The following GRTP1 variants were observed in gnomAD, a reference collection of about 807,000 sequenced individuals.
GRTP1 encodes growth hormone regulated TBC protein 1.
In GRTP1, 56 loss-of-function variants were observed where a neutral mutation model predicts 38.1. That is an observed-to-expected ratio of 1.47 (90% CI 1.19 to 1.84). The LOEUF is 1.84. GRTP1 is among the 40% of genes most tolerant of loss of function. GRTP1 has a pLI of 0.00. For synonymous variants in GRTP1, 217 were observed against 189.5 expected, an observed-to-expected ratio of 1.14 and a Z score of -1.19; for missense variants, 506 against 453.9, an observed-to-expected ratio of 1.11 and a Z score of -1.04.
Position 113,363,896 on chromosome 13 carries a change from C to T in GRTP1, c.47G>A (p.Gly16Glu), listed in dbSNP as rs370454368. Residue 16 changes from glycine to glutamate, a missense_variant, in exon 2 of 8, where the codon GGA (glycine) becomes GAA (glutamate). Physicochemically the swap from Gly to Glu is moderately conservative, Grantham distance 98. Coordinates refer to ENST00000375431, the MANE Select transcript of GRTP1 (RefSeq NM_024719.4). ...RSRVPRIDPY[G>E]FERPEDFDDA... ...GTCGAAGTCCTCAGGCCGCTCGAAT[C>T]CGTACGGGTCGATCCTGCAAAACCG... 1 of 1,611,494 alleles carries T rather than the reference C, an allele frequency of 6.2e-7. No homozygotes were observed. The highest frequency in any genetic ancestry group is 8.5e-7 in the Non-Finnish European group (1 of 1,179,392).
In GRTP1 at chr13:113,345,709, C is replaced by T. The variant is rs185305267; in HGVS notation, c.466-750G>A. Among the ~76,000 whole-genome samples, 120 of 152,356 alleles carry T rather than the reference C, an allele frequency of 7.9e-4. 1 individual carries two copies. The highest frequency in any genetic ancestry group is 2.3e-3 in the African/African-American group (94 of 41,582). ...CTGCAGAGAGCGATGCTGGCAGCAG[C>T]GCGGCGGCTTCAGTCACACAGGGAT... On this transcript the variant is annotated intron_variant, in intron 4 of 7. Coordinates refer to ENST00000375431, the MANE Select transcript of GRTP1 (RefSeq NM_024719.4).
intron 3 of GRTP1, among the ~76,000 whole-genome samples, chr13:113,352,232 TTA>T (rs58692797): frequency 0.062 from 4,917 of 79,668 alleles, 149 homozygotes; most frequent in Non-Finnish European, 0.082. Context: ...TTTTCTATAT[TTA>T]TATATATATT....
intron 2 of GRTP1, among the ~76,000 whole-genome samples, chr13:113,359,412 T>C (rs919286108): frequency 6.6e-6 from 1 of 152,092 alleles, no homozygotes; most frequent in African/African-American, 2.4e-5. Flanking sequence ...GGAGACTCCA[T>C]CTCTACAAAA....
At chr13:113,352,263 TTTATATTTTTA>T (rs2043284616) in intron 3 of GRTP1, among the ~76,000 whole-genome samples, 2 of 112,978 alleles carry the variant, frequency 1.8e-5, no homozygotes, top group Admixed American at 1.2e-4. Context: ...TTTATATATT[TTTATATTTTTA>T]TATATATTTA....
chr13:113,328,154 G>A (rs1255459354), intron 5 of GRTP1, among the ~76,000 whole-genome samples: 4 of 152,122 alleles, frequency 2.6e-5, no homozygotes, highest in South Asian at 4.1e-4. Flanking sequence ...ATCTGGTCTC[G>A]CGCCGCTATC....
rs145076795 is a variant in GRTP1 at position 113,350,711 on chromosome 13, G to A, written c.465+138C>T. The A allele has an allele frequency of 1.7e-4, 140 of 804,262 alleles. 1 individual carries two copies. Among genetic ancestry groups the A allele is most frequent in the African/African-American group, 1.3e-3 (75 of 56,234 alleles). The allele number at this position is 804,262 out of a possible 1,614,324, so 49.8% of individuals were successfully genotyped here. Reference sequence around the variant, plus strand: ...TCCTCCCTGCTGGGAAATGGCGTCCGAGCCTCAATGGGGCATCAGGACGTG... The same window carrying A: ...TCCTCCCTGCTGGGAAATGGCGTCCAAGCCTCAATGGGGCATCAGGACGTG... On this transcript the variant is annotated intron_variant, in intron 4 of 7. Coordinates refer to ENST00000375431, the MANE Select transcript of GRTP1 (RefSeq NM_024719.4).
intron 4 of GRTP1, among the ~76,000 whole-genome samples, 180 bp downstream of exon 4, chr13:113,350,669 T>C (rs2043247641): frequency 6.6e-6 from 1 of 152,110 alleles, no homozygotes; most frequent in Non-Finnish European, 1.5e-5. Flanking sequence ...AATGAGGTCG[T>C]CGGCTGCTGC....
chr13:113,357,827 G>C (rs904836088), intron 2 of GRTP1, among the ~76,000 whole-genome samples: 1 of 152,144 alleles, frequency 6.6e-6, no homozygotes, highest in Non-Finnish European at 1.5e-5. Flanking sequence ...GAAAGGAGAG[G>C]CCATGCAAAA....
At position 113,347,578 on chromosome 13, in the gene GRTP1, ACC is replaced by A. The variant is rs1197095607; in HGVS notation, c.466-2621_466-2620del. 5.1e-5 allele frequency among the ~76,000 whole-genome samples: 4 copies of A among 77,974 alleles called. 1 individual carries two copies. The highest frequency in any genetic ancestry group is 8.7e-5 in the Non-Finnish European group (3 of 34,560). 51.2% of individuals were successfully genotyped at this position (77,974 alleles called of 152,430 possible). Reference sequence around the variant, plus strand: ...TGTGGCAGAGAGCAGACCCAGGAGGACCTCTGTGGCTGAGAACAGACCCGGGA... The same window carrying A: ...TGTGGCAGAGAGCAGACCCAGGAGGATCTGTGGCTGAGAACAGACCCGGGA... On this transcript the variant is annotated intron_variant, in intron 4 of 7. Coordinates refer to ENST00000375431, the MANE Select transcript of GRTP1 (RefSeq NM_024719.4).
intron 2 of GRTP1, among the ~76,000 whole-genome samples, chr13:113,359,053 C>T: frequency 6.6e-6 from 1 of 152,124 alleles, no homozygotes; most frequent in East Asian, 1.9e-4. Flanking sequence ...AATGAAGTAC[C>T]TCAGCAATAA....
chr13:113,325,917 A>C lies in GRTP1; in HGVS notation c.735+2T>G, dbSNP rs1595469598. 6.2e-7 allele frequency: 1 copy of C among 1,613,694 alleles called. No individual in the cohort carries two copies. The highest frequency in any genetic ancestry group is 1.1e-5 in the South Asian group (1 of 91,082). On this transcript the variant is annotated splice_donor_variant, in intron 6 of 7. Transcript: ENST00000375431. LOFTEE classifies it high-confidence loss of function. ...GCCCCAGGGCCCGAGTGAGGCGCTC[A>C]CCTCCACGGGCAAGATGTCCACAAA...
At position 113,324,523 on chromosome 13, in the gene GRTP1, C is replaced by T. The variant is rs759167461; in HGVS notation, c.976G>A (p.Glu326Lys). 8.7e-6 allele frequency: 14 copies of T among 1,611,762 alleles called. No individual in the cohort carries two copies. The highest frequency in any genetic ancestry group is 4.5e-5 in the East Asian group (2 of 44,800). ...GCCAGCAGCCGGGCCCTGCAGCTCT[C>T]GCGGAGCTTGGCGACGGTGGCCATG... Reference protein sequence around the residue: ...LSMATVAKLRESCRARLLAQG With the variant: ...LSMATVAKLRKSCRARLLAQG Residue 326 changes from glutamate to lysine, a missense_variant, in exon 8 of 8, where the codon GAG becomes AAG. Transcript: ENST00000375431.
At chr13:113,332,255 ACGCACAC>A (rs1566416954) in intron 5 of GRTP1, among the ~76,000 whole-genome samples, 1 of 151,772 alleles carries the variant, frequency 6.6e-6, no homozygotes, top group African/African-American at 2.4e-5. Flanking sequence ...ACACGTGCAC[ACGCACAC>A]CACACACAGG....
chr13:113,351,805 T>TGTTC (rs2043271854), intron 3 of GRTP1: 1 of 152,290 alleles, frequency 6.6e-6, no homozygotes, highest in African/African-American at 2.4e-5. Flanking sequence ...CTGTTAGAGG[T>TGTTC]GTTCGCCAGG....
intron 5 of GRTP1, among the ~76,000 whole-genome samples, chr13:113,333,804 T>TTATTTATTTATTTATA (rs2139417348): frequency 1.1e-5 from 1 of 89,928 alleles, no homozygotes; most frequent in African/African-American, 4.7e-5. Context: ...TGCCTGTACT[T>TTATTTATTTATTTATA]TATTTATTTA....
At chr13:113,339,237 TCA>T (rs1286387354) in intron 5 of GRTP1, among the ~76,000 whole-genome samples, 1 of 152,134 alleles carries the variant, frequency 6.6e-6, no homozygotes, top group Non-Finnish European at 1.5e-5. Flanking sequence ...TTTTAGAAAT[TCA>T]CACACAGTCC....
At chr13:113,351,011 G>C (rs1334185466) in intron 3 of GRTP1, 38 bp from the exon 4 acceptor site, 6 of 1,610,846 alleles carry the variant, frequency 3.7e-6, no homozygotes, top group Non-Finnish European at 4.2e-6. Context: ...ACGGGTTTCT[G>C]TTCCACAAGC....
chr13:113,325,578 T>C (rs758538818), intron 7 of GRTP1, 83 bp downstream of exon 7: 2 of 1,606,378 alleles, frequency 1.2e-6, no homozygotes, highest in Non-Finnish European at 1.7e-6. Context: ...CTGTGCACCC[T>C]CCGGGTGGTC....
intron 4 of GRTP1, among the ~76,000 whole-genome samples, chr13:113,347,222 ACC>A (rs1236131987): frequency 2.2e-5 from 2 of 92,028 alleles, no homozygotes. Context: ...ACCCAGGAGG[ACC>A]TCTGTGGCTG....
Sources: allele counts gnomAD v4.1 joint callset (sites outside exome capture counted in the v4.1 genomes callset), GRCh38; gene constraint gnomAD v4.1.1; transcripts MANE v1.5; gene names NCBI Gene and HGNC (gene_info 2026-07-23, HGNC 2026-07-21).